The following PCDH19 variants were observed in gnomAD, a reference collection of about 807,000 sequenced individuals.
PCDH19 encodes protocadherin 19.
PCDH19 carries 6 observed loss-of-function variants against 46.2 expected under a neutral mutation model. That is an observed-to-expected ratio of 0.13 (90% CI 0.07 to 0.26). The LOEUF is 0.26. PCDH19 is among the 10% of genes least tolerant of loss of function. PCDH19 has a pLI of 1.00. For synonymous variants in PCDH19, 481 were observed against 415.7 expected (o/e 1.16, Z -1.91); for missense variants, 740 against 972.3 (o/e 0.76, Z 3.18).
chrX:100,407,467 G>A lies in PCDH19; in HGVS notation c.1131C>T (p.Asp377=). ...VIALVRVSDR[D]SGLNGRVQCR... The stretch of plus-strand genomic sequence containing the variant: ...ACTGCACACGTCCATTGAGGCCTGA[G>A]TCGCGATCAGACACCCGCACCAAGG... Residue 377 remains aspartate (D), a synonymous_variant, in exon 1 of 6, where the codon GAC becomes GAT. Transcript: ENST00000373034. 8.3e-7 allele frequency: 1 copy of A among 1,211,921 alleles called. No homozygotes were observed. The highest frequency in any genetic ancestry group is 1.1e-6 in the Non-Finnish European group (1 of 895,669).
chrX:100,372,241 A>G (rs1217169122), intron 3 of PCDH19, among the ~76,000 whole-genome samples: 2 of 111,586 alleles, frequency 1.8e-5, no homozygotes, highest in Non-Finnish European at 3.8e-5. Context: ...ACCTCAGAAA[A>G]AAAGAAAAAA....
chrX:100,334,541 C>T (rs1926022649), intron 5 of PCDH19, among the ~76,000 whole-genome samples: 1 of 111,168 alleles, frequency 9.0e-6, no homozygotes, highest in Non-Finnish European at 1.9e-5. Context: ...ATATCCACAT[C>T]ATCAAAAATG....
At chrX:100,386,145 G>A (rs748822773) in intron 3 of PCDH19, among the ~76,000 whole-genome samples, 2 of 111,118 alleles carry the variant, frequency 1.8e-5, no homozygotes, top group East Asian at 2.8e-4. Flanking sequence ...CTCCCTCATC[G>A]GCACTGGTAA....
chrX:100,322,865 A>ATATATATATATATATTTTTTTTTTTTTT, intron 5 of PCDH19, among the ~76,000 whole-genome samples: 1 of 54,416 alleles, frequency 1.8e-5, no homozygotes, highest in African/African-American at 8.4e-5. Flanking sequence ...ATATATATAT[A>ATATATATATATATATTTTTTTTTTTTTT]TTTTTGCAGC....
chrX:100,309,381 G>A (rs1033171520), intron 5 of PCDH19, among the ~76,000 whole-genome samples: 21 of 111,299 alleles, frequency 1.9e-4, no homozygotes, highest in Admixed American at 6.7e-4. Context: ...GAGACTCAGG[G>A]GAAAGGGTGG....
At chrX:100,354,749 C>T (rs898499122) in intron 3 of PCDH19, among the ~76,000 whole-genome samples, 11 of 111,048 alleles carry the variant, frequency 9.9e-5, no homozygotes, top group African/African-American at 3.3e-4. Context: ...ATTTGCTTGA[C>T]ATTATTCCAA....
chrX:100,407,992 C>T lies in PCDH19; in HGVS notation c.606G>A (p.Ser202=), dbSNP rs761463596. The change falls in exon 1 of 6, where the codon TCG becomes TCA. Residue 202 remains serine (S), a synonymous_variant. Transcript: ENST00000373034. ...VEKSLDRETQ[S]HYSFRITALD... ...GCGCAGTGATTCGGAAGCTGTAGTG[C>T]GACTGCGTCTCGCGGTCCAGGCTCT... 2 of 1,207,935 alleles carry T rather than the reference C, an allele frequency of 1.7e-6. No homozygotes were observed. Among genetic ancestry groups the T allele is most frequent in the South Asian group, 3.5e-5 (2 of 57,060 alleles).
intron 5 of PCDH19, among the ~76,000 whole-genome samples, chrX:100,310,560 T>C (rs1465161599): frequency 9.0e-6 from 1 of 110,836 alleles, no homozygotes; most frequent in Non-Finnish European, 1.9e-5. Flanking sequence ...CTAGTAAATA[T>C]GAGGTGACAC....
intron 1 of PCDH19, 31 bp from the exon 2 acceptor site, chrX:100,403,695 A>G (rs772892849): frequency 6.0e-6 from 7 of 1,161,116 alleles, no homozygotes; most frequent in Non-Finnish European, 7.0e-6. Flanking sequence ...TAGTGCATTC[A>G]GCATCCTTCT....
chrX:100,322,865 A>ATATATATATATTTTTTTTTTTTT, intron 5 of PCDH19, among the ~76,000 whole-genome samples: 3 of 54,416 alleles, frequency 5.5e-5, no homozygotes, highest in African/African-American at 8.4e-5. Context: ...ATATATATAT[A>ATATATATATATTTTTTTTTTTTT]TTTTTGCAGC....
intron 5 of PCDH19, among the ~76,000 whole-genome samples, chrX:100,333,879 T>C: frequency 9.4e-6 from 1 of 106,838 alleles, no homozygotes; most frequent in East Asian, 3.1e-4. Context: ...AACCTCTGCC[T>C]CATGGGTTCA....
rs377415279 is a variant in PCDH19 at position 100,296,520 on chromosome X, G to T, written c.3204C>A (p.Pro1068=). 2.2e-5 allele frequency: 27 copies of T among 1,211,106 alleles called. No individual in the cohort carries two copies. The Admixed American group carries it at 3.7e-4, about 17-fold the overall frequency. The change falls in exon 6 of 6, where the codon CCC becomes CCA. Residue 1068 remains proline (P), a synonymous_variant. Coordinates refer to ENST00000373034, the MANE Select transcript of PCDH19 (RefSeq NM_001184880.2). ...TGGGCAGAGAGCTCTTGAGGTGGAG[G>T]GGGGAGGTGACAGGGCTAATCGCCT... The part of the protein sequence containing the change: ...GCEAISPVTS[P]LHLKSSLPTK...
At position 100,408,797 on chromosome X, in the gene PCDH19, G is replaced by C; in HGVS notation, c.-200C>G. ...CGGCTCCAATGCTGAGGTTGCGGCGGACGCGGCGGGGGCTCGCGGGGGCCC... is the reference window on the plus strand; with the variant it reads ...CGGCTCCAATGCTGAGGTTGCGGCGCACGCGGCGGGGGCTCGCGGGGGCCC... On this transcript the variant is annotated 5_prime_UTR_variant, in exon 1 of 6. Transcript: ENST00000373034. 1 of 156,666 alleles carries C rather than the reference G, an allele frequency of 6.4e-6. No homozygotes were observed. Among genetic ancestry groups the C allele is most frequent in the Non-Finnish European group, 1.2e-5 (1 of 83,655 alleles). The allele number at this position is 156,666 out of a possible 1,213,427, so 12.9% of individuals were successfully genotyped here.
chrX:100,396,967 T>C (rs1325790585), intron 3 of PCDH19, among the ~76,000 whole-genome samples: 2 of 112,294 alleles, frequency 1.8e-5, no homozygotes, highest in Non-Finnish European at 3.8e-5. Flanking sequence ...TCCAAGACCC[T>C]ACTGTAATAA....
chrX:100,387,326 T>C (rs753586694), intron 3 of PCDH19, among the ~76,000 whole-genome samples: 1 of 111,838 alleles, frequency 8.9e-6, no homozygotes, highest in Admixed American at 9.5e-5. Context: ...AGAACACAAA[T>C]AGTGCATTTA....
intron 5 of PCDH19, among the ~76,000 whole-genome samples, chrX:100,329,919 CA>C (rs1457347852): frequency 9.0e-6 from 1 of 111,246 alleles, no homozygotes; most frequent in African/African-American, 3.3e-5. Context: ...TTAAAACAAA[CA>C]AACAAAAAAA....
At chrX:100,299,665 C>T (rs185084761) in intron 5 of PCDH19, among the ~76,000 whole-genome samples, 8 of 111,245 alleles carry the variant, frequency 7.2e-5, no homozygotes, top group African/African-American at 1.6e-4. Flanking sequence ...TTCAGCTGAC[C>T]CACTGTCTAA....
At chrX:100,303,031 A>C (rs1484447045) in intron 5 of PCDH19, among the ~76,000 whole-genome samples, 2 of 111,529 alleles carry the variant, frequency 1.8e-5, no homozygotes, top group African/African-American at 6.5e-5. Context: ...AGAGGCGTAA[A>C]GTAAATTTAG....
At chrX:100,306,203 A>G (rs1262653453) in intron 5 of PCDH19, among the ~76,000 whole-genome samples, 1 of 112,124 alleles carries the variant, frequency 8.9e-6, no homozygotes, top group Non-Finnish European at 1.9e-5. Flanking sequence ...GAAAATCGAA[A>G]TGATATCAAG....
Sources: gnomAD v4.1 joint callset for allele counts (sites outside exome capture counted in the v4.1 genomes callset) on GRCh38, gnomAD v4.1.1 for gene constraint, MANE v1.5 for transcripts, NCBI Gene and HGNC (gene_info 2026-07-23, HGNC 2026-07-21) for gene names.